The following ALK variants were observed in gnomAD, a reference collection of about 807,000 sequenced individuals.
ALK encodes the protein ALK receptor tyrosine kinase.
Under a neutral mutation model 163.1 loss-of-function variants are expected in ALK, and 74 were observed. The ratio of observed to expected loss-of-function variants is 0.45; its 90% confidence interval spans 0.38 to 0.55. The LOEUF is 0.55. ALK is among the 20% of genes least tolerant of loss of function. The pLI, the probability that ALK is intolerant of heterozygous loss-of-function variation, is 0.00. For missense variants in ALK, 2,063 were observed against 2,105.3 expected (o/e 0.98, Z 0.39); for synonymous variants, 960 against 843.2 (o/e 1.14, Z -2.40).
At chr2:29,320,167 C>T (rs190621293) in intron 7 of ALK, among the ~76,000 whole-genome samples, 151 of 152,344 alleles carry the variant, frequency 9.9e-4, no homozygotes, top group African/African-American at 3.1e-3. Context: ...CTCTTGGCTG[C>T]GTGGAGGCCC....
intron 4 of ALK, among the ~76,000 whole-genome samples, chr2:29,462,321 G>C (rs747442108): frequency 2.6e-5 from 4 of 152,140 alleles, no homozygotes; most frequent in Admixed American, 1.3e-4. Context: ...TCTACTGTGG[G>C]TAAAACGCTA....
chr2:29,538,674 T>C (rs1177283036), intron 3 of ALK, among the ~76,000 whole-genome samples: 2 of 152,220 alleles, frequency 1.3e-5, no homozygotes, highest in Non-Finnish European at 2.9e-5. Flanking sequence ...CTTATAATTT[T>C]TTTTAAAACA....
intron 5 of ALK, among the ~76,000 whole-genome samples, chr2:29,332,864 T>C (rs140325085): frequency 2.0e-5 from 3 of 152,358 alleles, no homozygotes; most frequent in East Asian, 3.9e-4. Context: ...TTTCATAGGA[T>C]AGATTCCCAG....
intron 4 of ALK, among the ~76,000 whole-genome samples, chr2:29,405,423 G>T (rs1669559333): frequency 6.6e-6 from 1 of 152,166 alleles, no homozygotes; most frequent in Admixed American, 6.5e-5. Flanking sequence ...CATGAAAGGA[G>T]GCAGAACAGC....
intron 3 of ALK, among the ~76,000 whole-genome samples, chr2:29,534,683 A>G (rs1448285538): frequency 6.6e-6 from 1 of 152,230 alleles, no homozygotes; most frequent in Non-Finnish European, 1.5e-5. Context: ...ACTGCTATGC[A>G]CATGTGCACA....
chr2:29,385,975 C>A (rs1669022438), intron 4 of ALK, among the ~76,000 whole-genome samples: 1 of 152,204 alleles, frequency 6.6e-6, no homozygotes, highest in Non-Finnish European at 1.5e-5. Context: ...AATCCTGCCA[C>A]AGTAAATCGG....
At chr2:29,209,745 G>C in intron 25 of ALK, 41 bp downstream of exon 25, 1 of 1,473,820 alleles carries the variant, frequency 6.8e-7, no homozygotes, top group African/African-American at 1.4e-5. Context: ...GGGCTGAGGT[G>C]GAAGAGACAG....
At chr2:29,464,464 C>A (rs1056946772) in intron 4 of ALK, among the ~76,000 whole-genome samples, 2 of 152,096 alleles carry the variant, frequency 1.3e-5, no homozygotes, top group Non-Finnish European at 2.9e-5. Context: ...TTATTGTGTT[C>A]AAACACAAAT....
At chr2:29,831,000 GA>G (rs1665374578) in intron 1 of ALK, among the ~76,000 whole-genome samples, 2 of 54,774 alleles carry the variant, frequency 3.7e-5, no homozygotes, top group African/African-American at 1.1e-4. Context: ...AGAAGAAGAA[GA>G]AGAAGAAGAA....
At chr2:29,686,693 A>G (rs533913485) in intron 3 of ALK, among the ~76,000 whole-genome samples, 1 of 152,198 alleles carries the variant, frequency 6.6e-6, no homozygotes, top group East Asian at 1.9e-4. Context: ...CAGACCCATG[A>G]GGTTCAGTTA....
At chr2:29,758,745 A>C (rs1680612920) in intron 1 of ALK, among the ~76,000 whole-genome samples, 1 of 152,170 alleles carries the variant, frequency 6.6e-6, no homozygotes, top group African/African-American at 2.4e-5. Flanking sequence ...TCAATTAAAA[A>C]GGCTTTAGCC....
rs1298462493 is a variant in ALK at position 29,921,179 on chromosome 2, GC to G, written c.-521del. ...CCTTTTGGCTCCTCCAAGCTCTTCT[GC>G]CCGGTCTGGGCGGGAACCGAGGGCG... On this transcript the variant is annotated 5_prime_UTR_variant, in exon 1 of 29. Transcript: ENST00000389048. The G allele has an allele frequency of 1.3e-5, 3 of 235,254 alleles. No homozygotes were observed. The highest frequency in any genetic ancestry group is 2.5e-5 in the Non-Finnish European group (3 of 119,620). 14.6% of individuals were successfully genotyped at this position (235,254 alleles called of 1,614,324 possible).
chr2:29,700,773 A>T (rs1403868171), intron 2 of ALK, among the ~76,000 whole-genome samples: 1 of 152,234 alleles, frequency 6.6e-6, no homozygotes, highest in African/African-American at 2.4e-5. Flanking sequence ...CCATTCAGGA[A>T]AATGTTGTGG....
chr2:29,471,518 G>A (rs1671345873), intron 4 of ALK, among the ~76,000 whole-genome samples: 1 of 151,982 alleles, frequency 6.6e-6, no homozygotes, highest in South Asian at 2.1e-4. Flanking sequence ...TATATTAATA[G>A]AAAAAAGAAT....
At chr2:29,467,068 C>T (rs1430868031) in intron 4 of ALK, among the ~76,000 whole-genome samples, 1 of 152,044 alleles carries the variant, frequency 6.6e-6, no homozygotes, top group Non-Finnish European at 1.5e-5. Flanking sequence ...TGGCAATACC[C>T]ATTCACCTCA....
chr2:29,661,574 C>A (rs1573535900), intron 3 of ALK, among the ~76,000 whole-genome samples: 1 of 152,144 alleles, frequency 6.6e-6, no homozygotes, highest in African/African-American at 2.4e-5. Context: ...TGTTCTAAGA[C>A]CTGTCATATA....
At chr2:29,883,535 T>C (rs1666916742) in intron 1 of ALK, among the ~76,000 whole-genome samples, 2 of 152,184 alleles carry the variant, frequency 1.3e-5, no homozygotes, top group South Asian at 4.1e-4. Flanking sequence ...TCCCCAACTG[T>C]GTCTAGCATA....
intron 4 of ALK, among the ~76,000 whole-genome samples, chr2:29,410,732 G>C (rs886446182): frequency 6.6e-6 from 1 of 152,114 alleles, no homozygotes; most frequent in Non-Finnish European, 1.5e-5. Flanking sequence ...ATTTAAAATG[G>C]TACACCTATG....
At chr2:29,339,958 T>G (rs1485502911) in intron 5 of ALK, among the ~76,000 whole-genome samples, 1 of 152,236 alleles carries the variant, frequency 6.6e-6, no homozygotes, top group Non-Finnish European at 1.5e-5. Context: ...GGTCGGGTTC[T>G]CCGAAGGAAT....
Sources: gnomAD v4.1 joint callset for allele counts (sites outside exome capture counted in the v4.1 genomes callset) on GRCh38, gnomAD v4.1.1 for gene constraint, MANE v1.5 for transcripts, NCBI Gene and HGNC (gene_info 2026-07-23, HGNC 2026-07-21) for gene names.